Variants in DSCAML1 observed in about 807,000 individuals in gnomAD.
DSCAML1 encodes cell adhesion molecule DSCAML1.
Under a neutral mutation model 200.5 loss-of-function variants are expected in DSCAML1, and 38 were observed. The observed-to-expected ratio is 0.19, with a 90% CI of 0.15 to 0.25. The LOEUF is 0.25. Among genes scored for constraint, DSCAML1 ranks in the 10% least tolerant of loss-of-function variants. DSCAML1 has a pLI of 1.00. For synonymous variants in DSCAML1, 1,215 were observed against 1,165.0 expected (o/e 1.04, Z -0.87); for missense variants, 2,223 against 2,858.8 (o/e 0.78, Z 5.07).
intron 3 of DSCAML1, among the ~76,000 whole-genome samples, chr11:117,617,655 G>C (rs2051835957): frequency 6.9e-6 from 1 of 145,234 alleles, no homozygotes; most frequent in South Asian, 2.2e-4. Context: ...ACAACACACT[G>C]CCACAAGACA....
At chr11:117,737,395 A>G (rs991408715) in intron 3 of DSCAML1, among the ~76,000 whole-genome samples, 1 of 152,192 alleles carries the variant, frequency 6.6e-6, no homozygotes, top group Non-Finnish European at 1.5e-5. Context: ...ATCAGCAAGC[A>G]TACAGTGCAT....
chr11:117,560,712 A>T (rs544603566), intron 3 of DSCAML1, among the ~76,000 whole-genome samples: 3 of 152,290 alleles, frequency 2.0e-5, no homozygotes, highest in East Asian at 3.9e-4. Flanking sequence ...TGAGACTCAG[A>T]GTGTCAGAGA....
chr11:117,790,202 A>G (rs1264977444), intron 1 of DSCAML1, among the ~76,000 whole-genome samples: 2 of 152,188 alleles, frequency 1.3e-5, no homozygotes, highest in Non-Finnish European at 2.9e-5. Context: ...GACTGTGCCT[A>G]CTGCTCTTCC....
chr11:117,501,507 G>A (rs1436000651), intron 11 of DSCAML1, among the ~76,000 whole-genome samples: 2 of 152,182 alleles, frequency 1.3e-5, no homozygotes, highest in African/African-American at 2.4e-5. Context: ...TGGAGCCTTC[G>A]ATGTCCTTGG....
chr11:117,641,026 T>C (rs1457653578), intron 3 of DSCAML1, among the ~76,000 whole-genome samples: 1 of 152,258 alleles, frequency 6.6e-6, no homozygotes. Context: ...CTATTTTATT[T>C]TGATAGAGGG....
intron 3 of DSCAML1, among the ~76,000 whole-genome samples, chr11:117,559,880 G>A (rs2050629245): frequency 6.6e-6 from 1 of 152,090 alleles, no homozygotes; most frequent in Non-Finnish European, 1.5e-5. Context: ...GAGGGAGGGT[G>A]GGATACAGGA....
chr11:117,694,469 C>T (rs927633843), intron 3 of DSCAML1, among the ~76,000 whole-genome samples: 5 of 151,978 alleles, frequency 3.3e-5, no homozygotes, highest in African/African-American at 1.2e-4. Context: ...CTGTTCGTGT[C>T]TCAAAATAGA....
Position 117,695,452 on chromosome 11 carries a change from G to T in DSCAML1, c.511+81339C>A, listed in dbSNP as rs73596608. Among the ~76,000 whole-genome samples the T allele has an allele frequency of 4.6e-3, 700 of 151,962 alleles. 4 individuals are homozygous for T. The highest frequency in any genetic ancestry group is 6.5e-3 in the Non-Finnish European group (440 of 67,966). Reference sequence around the variant, plus strand: ...ATGTTGGGTCACCAGTGTTCCGGGGGTGGTTAGAATCAGAGCAGGTAAGCT... The same window carrying T: ...ATGTTGGGTCACCAGTGTTCCGGGGTTGGTTAGAATCAGAGCAGGTAAGCT... On this transcript the variant is annotated intron_variant, in intron 3 of 32. Transcript: ENST00000651296.
chr11:117,711,607 C>T (rs915817670), intron 3 of DSCAML1, among the ~76,000 whole-genome samples: 2 of 152,198 alleles, frequency 1.3e-5, no homozygotes, highest in African/African-American at 4.8e-5. Flanking sequence ...ACCCCAGGGA[C>T]AACACTCATG....
intron 3 of DSCAML1, among the ~76,000 whole-genome samples, chr11:117,752,429 A>G (rs2054620039): frequency 6.6e-6 from 1 of 152,228 alleles, no homozygotes; most frequent in African/African-American, 2.4e-5. Flanking sequence ...ATTTTACTCA[A>G]AGGTGAGTTA....
chr11:117,775,268 C>T (rs1165555653), intron 3 of DSCAML1, among the ~76,000 whole-genome samples: 2 of 152,194 alleles, frequency 1.3e-5, no homozygotes, highest in Non-Finnish European at 1.5e-5. Context: ...TCAGACCCTG[C>T]AGGACCCCAC....
intron 3 of DSCAML1, among the ~76,000 whole-genome samples, chr11:117,615,591 T>G (rs1248052925): frequency 6.6e-6 from 1 of 151,868 alleles, no homozygotes; most frequent in Non-Finnish European, 1.5e-5. Context: ...ACCCCCCAGG[T>G]GTTGGTGGTC....
At chr11:117,799,433 C>G (rs1432292844), upstream of DSCAML1, among the ~76,000 whole-genome samples, 2 of 152,054 alleles carry the variant, frequency 1.3e-5, no homozygotes, top group Non-Finnish European at 2.9e-5. Context: ...CCTCCTACAA[C>G]CTGAGTGTAG....
In DSCAML1 at chr11:117,505,162, G is replaced by C; in HGVS notation, c.2063-119C>G. 6.9e-7 allele frequency: 1 copy of C among 1,443,746 alleles called. No homozygotes were observed. The highest frequency in any genetic ancestry group is 9.3e-7 in the Non-Finnish European group (1 of 1,074,542). 89.4% of individuals were successfully genotyped at this position (1,443,746 alleles called of 1,614,324 possible). ...CCGGGCCATTATAAAGTTGGAAGCG[G>C]GCAGTTTCTGAAACCCAAGATGCTG... On this transcript the variant is annotated intron_variant, in intron 9 of 32. Transcript: ENST00000651296. The surrounding 1 kb of genome is among the most constrained non-coding windows in gnomAD (Gnocchi z 6.7).
chr11:117,511,667 CCTCTCTG>C (rs1334320552), intron 8 of DSCAML1, among the ~76,000 whole-genome samples: 3 of 152,186 alleles, frequency 2.0e-5, no homozygotes, highest in Non-Finnish European at 2.9e-5. Context: ...CACCCTCTCT[CCTCTCTG>C]CTCCTCCCAC....
chr11:117,453,110 T>G (rs531306866), intron 19 of DSCAML1, among the ~76,000 whole-genome samples: 198 of 152,208 alleles, frequency 1.3e-3, no homozygotes, highest in African/African-American at 4.3e-3. Context: ...AATTTTTGTA[T>G]TTTTAGTAGA....
intron 3 of DSCAML1, among the ~76,000 whole-genome samples, chr11:117,699,329 CG>C (rs564175381): frequency 2.5e-3 from 380 of 152,262 alleles, no homozygotes; most frequent in African/African-American, 8.6e-3. Context: ...CTGTAGCACA[CG>C]GCTGGGTCTC....
chr11:117,717,350 G>A (rs981140321), intron 3 of DSCAML1, among the ~76,000 whole-genome samples: 25 of 151,404 alleles, frequency 1.7e-4, no homozygotes, highest in African/African-American at 3.9e-4. Flanking sequence ...ACCTCTCCCC[G>A]CCCCTGCCTC....
At chr11:117,703,498 G>A (rs533328923) in intron 3 of DSCAML1, among the ~76,000 whole-genome samples, 34 of 152,234 alleles carry the variant, frequency 2.2e-4, no homozygotes, top group Admixed American at 5.2e-4. Flanking sequence ...TGCTTCTGCC[G>A]TTGCTAGTTT....
Sources: allele counts gnomAD v4.1 joint callset (sites outside exome capture counted in the v4.1 genomes callset), GRCh38; gene constraint gnomAD v4.1.1; non-coding constraint Gnocchi (gnomAD v3.1); transcripts MANE v1.5; gene names NCBI Gene and HGNC (gene_info 2026-07-23, HGNC 2026-07-21).